ABCG4: variants seen among roughly 807,000 people sequenced by gnomAD.
The protein encoded by ABCG4 is ATP binding cassette subfamily G member 4, also known as ATP-binding cassette sub-family G member 4.
In ABCG4, 35 loss-of-function variants were observed where a neutral mutation model predicts 64.6. The observed-to-expected ratio is 0.54, with a 90% CI of 0.41 to 0.72. ABCG4 has a LOEUF of 0.72. Ranked by LOEUF, ABCG4 falls within the 30% of genes least tolerant of loss-of-function variation. The pLI is 0.00. For missense variants in ABCG4, 610 were observed against 846.3 expected, an observed-to-expected ratio of 0.72 and a Z score of 3.46; for synonymous variants, 326 against 348.2, an observed-to-expected ratio of 0.94 and a Z score of 0.71.
Position 119,150,148 on chromosome 11 carries a change from C to T in ABCG4, c.183C>T (p.Ile61=), listed in dbSNP as rs139736013. 2,566 of 1,614,158 alleles carry T rather than the reference C, an allele frequency of 1.6e-3. 13 individuals are homozygous for T. The highest frequency in any genetic ancestry group is 3.4e-3 in the South Asian group (311 of 91,084). ...SHLPKRSAVD[I]EFVELSYSVR... ...TACCCAAGCGCTCAGCCGTGGACAT[C>T]GAGTTCGTGGAGCTGTCCTATTCCG... is the stretch of plus-strand genomic sequence containing the variant. The change falls in exon 2 of 15, where the codon ATC becomes ATT. Residue 61 remains isoleucine, a synonymous_variant. Coordinates refer to ENST00000619701, the MANE Select transcript of ABCG4 (RefSeq NM_022169.5). The surrounding 1 kb of genome is among the most constrained non-coding windows in gnomAD (Gnocchi z 4.3).
In ABCG4 at chr11:119,158,715, T is replaced by A. The variant is rs1416485254; in HGVS notation, c.1326T>A (p.Thr442=). 1 of 1,614,176 alleles carries A rather than the reference T, an allele frequency of 6.2e-7. No homozygotes were observed. The change falls in exon 11 of 15, where the codon ACT becomes ACA. Residue 442 remains threonine (T), a synonymous_variant. Coordinates refer to ENST00000619701, the MANE Select transcript of ABCG4 (RefSeq NM_022169.5). This position sits in a 1 kb window ranked among gnomAD's most constrained non-coding sequence, Gnocchi z 4.5. ...TCATGTTCGCCGCCCTCATGCCAACTGTGCTCACCTGTGAGCTGAGCTGCC... is the reference window on the plus strand; with the variant it reads ...TCATGTTCGCCGCCCTCATGCCAACAGTGCTCACCTGTGAGCTGAGCTGCC... ...LFLMFAALMP[T]VLTFPLEMAV... is the part of the protein sequence containing the mutation.
At position 119,162,113 on chromosome 11, in the gene ABCG4, ACT is replaced by A. The variant is rs1485663224; in HGVS notation, c.*1010_*1011del. ...TCCTCCTGGGGATCCCATGTTGGAG[ACT>A]CTAAGGATAAGGCTGGTGCTGCCCA... On this transcript the variant is annotated 3_prime_UTR_variant, in exon 15 of 15. Coordinates refer to ENST00000619701, the MANE Select transcript of ABCG4 (RefSeq NM_022169.5). 1 of 152,382 alleles carries A rather than the reference ACT, an allele frequency of 6.6e-6. No individual in the cohort carries two copies. The highest frequency in any genetic ancestry group is 1.5e-5 in the Non-Finnish European group (1 of 68,068). The allele number at this position is 152,382 out of a possible 1,614,324, so 9.4% of individuals were successfully genotyped here.
At position 119,155,386 on chromosome 11, in the gene ABCG4, A is replaced by G. The variant is rs1203419302; in HGVS notation, c.686+471A>G. ...ACCCAGGCTGGAGTGCAGTGGCACA[A>G]TCTCGGCTCACTGCAACCTCTGACT... On this transcript the variant is annotated intron_variant, in intron 6 of 14. Transcript: ENST00000619701. The surrounding 1 kb of genome is among the most constrained non-coding windows in gnomAD (Gnocchi z 4.5). Among the ~76,000 whole-genome samples the G allele has an allele frequency of 6.6e-6, 1 of 152,164 alleles. No homozygotes were observed. The highest frequency in any genetic ancestry group is 2.1e-4 in the South Asian group (1 of 4,808).
At chr11:119,159,019 T>C in intron 12 of ABCG4, 90 bp downstream of exon 12, 1 of 1,296,388 alleles carries the variant, frequency 7.7e-7, no homozygotes, top group Non-Finnish European at 1.1e-6. Flanking sequence ...CTTGTCACTT[T>C]CCTTCCTTTG....
intron 2 of ABCG4, among the ~76,000 whole-genome samples, chr11:119,151,310 C>T (rs1948190958): frequency 6.6e-6 from 1 of 152,216 alleles, no homozygotes; most frequent in African/African-American, 2.4e-5. Flanking sequence ...CATGTGCCAG[C>T]CACAGATTGA....
rs1948270974 is a variant in ABCG4 at position 119,156,749 on chromosome 11, T to C, written c.925+71T>C. On this transcript the variant is annotated intron_variant, in intron 8 of 14. Transcript: ENST00000619701. The surrounding 1 kb of genome is among the most constrained non-coding windows in gnomAD (Gnocchi z 5.5). The stretch of plus-strand genomic sequence containing the variant: ...GAACCTGGGGTCTCTGGTCTTGCAC[T>C]CAGGCCTCCTAGGGGTAGAGATCTC... 15 of 1,595,012 alleles carry C rather than the reference T, an allele frequency of 9.4e-6. No homozygotes were observed. The highest frequency in any genetic ancestry group is 3.3e-4 in the Middle Eastern group (2 of 6,002).
At chr11:119,153,967 T>C in intron 2 of ABCG4, 59 bp from the exon 3 acceptor site, 1 of 1,451,694 alleles carries the variant, frequency 6.9e-7, no homozygotes, top group Non-Finnish European at 9.7e-7. Flanking sequence ...TCCTAAGAAT[T>C]TTGGGGGTAC....
rs1029695357 is a variant in ABCG4, at chr11:119,161,564, G to A, written c.*458G>A. On this transcript the variant is annotated 3_prime_UTR_variant, in exon 15 of 15. Transcript: ENST00000619701. ...TGGAGTTCCAGGGCTGGGCCCTGGT[G>A]GAGTCCACTGGAAGTCCCATTATGG... The A allele has an allele frequency of 6.2e-6, 1 of 160,510 alleles. No homozygotes were observed. The highest frequency in any genetic ancestry group is 5.8e-5 in the Admixed American group (1 of 17,252). The allele number at this position is 160,510 out of a possible 1,614,324, so 9.9% of individuals were successfully genotyped here.
chr11:119,156,667 C>T lies in ABCG4; in HGVS notation c.914C>T (p.Pro305Leu), dbSNP rs770520477. ...LGLHCPTYHNPADFIIEVASG... is the reference protein window; with the variant it reads ...LGLHCPTYHNLADFIIEVASG... ...TTGCATTGCCCCACCTACCACAACCCGGCTGACTTCAGTGAGTGGGGGTCT... is the reference window on the plus strand; with the variant it reads ...TTGCATTGCCCCACCTACCACAACCTGGCTGACTTCAGTGAGTGGGGGTCT... Residue 305 changes from proline to leucine, a missense_variant, in exon 8 of 15, where the codon CCG becomes CTG. Transcript: ENST00000619701. This position sits in a 1 kb window ranked among gnomAD's most constrained non-coding sequence, Gnocchi z 5.5. The T allele has an allele frequency of 1.2e-5, 20 of 1,614,112 alleles. 1 individual carries two copies. The highest frequency in any genetic ancestry group is 9.3e-6 in the Non-Finnish European group (11 of 1,179,998).
In ABCG4 at chr11:119,160,495, TG is replaced by T; in HGVS notation, c.1597-41del. The stretch of plus-strand genomic sequence containing the variant: ...AGCTCTAGGAAACCTGGGTTTGTCC[TG>T]GTCACCCCTATGATGGCCTGGCCCC... On this transcript the variant is annotated intron_variant, in intron 13 of 14. Transcript: ENST00000619701. This position sits in a 1 kb window ranked among gnomAD's most constrained non-coding sequence, Gnocchi z 4.6. The T allele has an allele frequency of 6.2e-7, 1 of 1,608,222 alleles. No homozygotes were observed. The highest frequency in any genetic ancestry group is 1.3e-5 in the African/African-American group (1 of 75,004).
intron 9 of ABCG4, among the ~76,000 whole-genome samples, chr11:119,157,740 C>T (rs1303871165): frequency 2.0e-5 from 3 of 151,930 alleles, no homozygotes; most frequent in Non-Finnish European, 4.4e-5. Flanking sequence ...GTGGCGGGCG[C>T]CTGTAGTCCC....
Position 119,162,380 on chromosome 11 carries a change from C to G in ABCG4, c.*1274C>G, listed in dbSNP as rs1040216010. Reference sequence around the variant, plus strand: ...TCAAACTTCTGTCCATGTCCCTCCACTGTTCCTATCAGCAGGTGGCCCCTG... The same window carrying G: ...TCAAACTTCTGTCCATGTCCCTCCAGTGTTCCTATCAGCAGGTGGCCCCTG... On this transcript the variant is annotated 3_prime_UTR_variant, in exon 15 of 15. Transcript: ENST00000619701. 6.5e-6 allele frequency: 1 copy of G among 152,750 alleles called. No homozygotes were observed. The highest frequency in any genetic ancestry group is 2.4e-5 in the African/African-American group (1 of 41,468). 9.5% of individuals were successfully genotyped at this position (152,750 alleles called of 1,614,324 possible).
At position 119,160,529 on chromosome 11, in the gene ABCG4, C is replaced by T. The variant is rs766068832; in HGVS notation, c.1597-9C>T. On this transcript the variant is annotated splice_polypyrimidine_tract_variant and intron_variant, in intron 13 of 14. Transcript: ENST00000619701. The surrounding 1 kb of genome is among the most constrained non-coding windows in gnomAD (Gnocchi z 4.6). Reference sequence around the variant, plus strand: ...CTATGATGGCCTGGCCCCCTCCCTTCCCCTCTAGGTGGCCACTTTTGTGGG... The same window carrying T: ...CTATGATGGCCTGGCCCCCTCCCTTTCCCTCTAGGTGGCCACTTTTGTGGG... 1.9e-6 allele frequency: 3 copies of T among 1,608,472 alleles called. No homozygotes were observed. The highest frequency in any genetic ancestry group is 2.2e-5 in the South Asian group (2 of 91,064).
rs1948165613 is a variant in ABCG4, at chr11:119,149,732, G to A, written c.-12-222G>A. On this transcript the variant is annotated intron_variant, in intron 1 of 14. Coordinates refer to ENST00000619701, the MANE Select transcript of ABCG4 (RefSeq NM_022169.5). This position sits in a 1 kb window ranked among gnomAD's most constrained non-coding sequence, Gnocchi z 8.3. ...CCGCCGGGAGGAAGGAGCGATTGAG[G>A]GCTTCAAGGGGACGGGCTGGGGTCA... The A allele has an allele frequency of 4.7e-6, 3 of 636,262 alleles. No homozygotes were observed. The highest frequency in any genetic ancestry group is 7.8e-6 in the Non-Finnish European group (3 of 382,684). 39.4% of individuals were successfully genotyped at this position (636,262 alleles called of 1,614,324 possible).
rs551778062 is a variant in ABCG4, at chr11:119,150,494, C to A, written c.238+291C>A. Among the ~76,000 whole-genome samples, 3 of 152,214 alleles carry A rather than the reference C, an allele frequency of 2.0e-5. No individual in the cohort carries two copies. The highest frequency in any genetic ancestry group is 7.2e-5 in the African/African-American group (3 of 41,550). On this transcript the variant is annotated intron_variant, in intron 2 of 14. Coordinates refer to ENST00000619701, the MANE Select transcript of ABCG4 (RefSeq NM_022169.5). The surrounding 1 kb of genome is among the most constrained non-coding windows in gnomAD (Gnocchi z 4.3). ...CTTGAGTGGTCCTTGATGAGTTTTC[C>A]TTCTTTTGTTTATGGAGGATTCCTA... is the stretch of plus-strand genomic sequence containing the variant.
rs1218889667 is a variant in ABCG4, at chr11:119,150,149, G to C, written c.184G>C (p.Glu62Gln). 7.4e-6 allele frequency: 12 copies of C among 1,614,046 alleles called. No individual in the cohort carries two copies. In the East Asian group the frequency reaches 2.0e-4, roughly 27 times the overall value. ...ACCCAAGCGCTCAGCCGTGGACATC[G>C]AGTTCGTGGAGCTGTCCTATTCCGT... Reference protein sequence around the residue: ...HLPKRSAVDIEFVELSYSVRE... With the variant: ...HLPKRSAVDIQFVELSYSVRE... The change falls in exon 2 of 15, where the codon GAG becomes CAG. Residue 62 changes from glutamate (E) to glutamine (Q), a missense_variant. Transcript: ENST00000619701. The surrounding 1 kb of genome is among the most constrained non-coding windows in gnomAD (Gnocchi z 4.3).
intron 9 of ABCG4, among the ~76,000 whole-genome samples, chr11:119,157,439 T>A (rs756197264): frequency 6.6e-5 from 10 of 152,240 alleles, no homozygotes; most frequent in Non-Finnish European, 1.2e-4. Flanking sequence ...CTGTAGCTGG[T>A]ACAGCAGGCG....
In ABCG4 at chr11:119,150,420, A is replaced by G. The variant is rs1430518473; in HGVS notation, c.238+217A>G. Among the ~76,000 whole-genome samples the G allele has an allele frequency of 6.6e-6, 1 of 152,138 alleles. No homozygotes were observed. Among genetic ancestry groups the G allele is most frequent in the Admixed American group, 6.5e-5 (1 of 15,278 alleles). On this transcript the variant is annotated intron_variant, in intron 2 of 14. Coordinates refer to ENST00000619701, the MANE Select transcript of ABCG4 (RefSeq NM_022169.5). The surrounding 1 kb of genome is among the most constrained non-coding windows in gnomAD (Gnocchi z 4.3). Reference sequence around the variant, plus strand: ...TGAGCACCATGGGATACTAGGTGCAATTGGTTATTGAAGCTGTATCTTCTA... The same window carrying G: ...TGAGCACCATGGGATACTAGGTGCAGTTGGTTATTGAAGCTGTATCTTCTA...
Position 119,158,210 on chromosome 11 carries a change from C to T in ABCG4, c.1069-24C>T, listed in dbSNP as rs771258605. ...GGTGAATGGGGTAGGCTCACCTGAT[C>T]CCGATCCAATTTCTTCTTCCCAGGA... On this transcript the variant is annotated intron_variant, in intron 9 of 14. Transcript: ENST00000619701. The surrounding 1 kb of genome is among the most constrained non-coding windows in gnomAD (Gnocchi z 4.5). The T allele has an allele frequency of 6.4e-7, 1 of 1,553,164 alleles. No homozygotes were observed. Among genetic ancestry groups the T allele is most frequent in the Admixed American group, 1.8e-5 (1 of 56,532 alleles).
Sources: gnomAD v4.1 joint callset for allele counts (sites outside exome capture counted in the v4.1 genomes callset) on GRCh38, gnomAD v4.1.1 for gene constraint, Gnocchi (gnomAD v3.1) non-coding constraint, MANE v1.5 for transcripts, NCBI Gene and HGNC (gene_info 2026-07-23, HGNC 2026-07-21) for gene names.